Variants in STK33 observed in about 807,000 individuals in gnomAD.
STK33 encodes the protein serine/threonine kinase 33.
In STK33, 52 loss-of-function variants were observed where a neutral mutation model predicts 58.0. That is an observed-to-expected ratio of 0.90 (90% confidence interval 0.72 to 1.13). STK33 has a LOEUF of 1.13. Ranked by LOEUF, STK33 falls within the 50% of genes most tolerant of loss-of-function variation. STK33 has a pLI of 0.00. For missense variants in STK33, 630 were observed against 604.2 expected, an observed-to-expected ratio of 1.04 and a Z score of -0.45; for synonymous variants, 215 against 200.1, an observed-to-expected ratio of 1.07 and a Z score of -0.63.
chr11:8,442,786 T>A (rs1019286839), intron 11 of STK33, among the ~76,000 whole-genome samples: 3 of 152,154 alleles, frequency 2.0e-5, no homozygotes, highest in African/African-American at 7.2e-5. Flanking sequence ...TCTTCAGCAA[T>A]AAAAATGAAT....
intron 1 of STK33, among the ~76,000 whole-genome samples, chr11:8,519,056 T>C (rs1324512799): frequency 1.3e-5 from 2 of 152,098 alleles, no homozygotes; most frequent in Non-Finnish European, 1.5e-5. Flanking sequence ...CAGCACCACA[T>C]CACAATTATT....
At chr11:8,520,438 C>T (rs927620994) in intron 1 of STK33, among the ~76,000 whole-genome samples, 3 of 152,124 alleles carry the variant, frequency 2.0e-5, no homozygotes, top group Non-Finnish European at 4.4e-5. Context: ...TGGCACAAGA[C>T]AGGGATGCCC....
At chr11:8,411,988 T>C (rs1419437995) in intron 15 of STK33, among the ~76,000 whole-genome samples, 6 of 152,080 alleles carry the variant, frequency 3.9e-5, no homozygotes, top group Admixed American at 1.3e-4. Flanking sequence ...AGGGGAAAAG[T>C]GTGACACGGC....
intron 1 of STK33, among the ~76,000 whole-genome samples, chr11:8,514,210 A>G (rs894816401): frequency 1.3e-5 from 2 of 152,166 alleles, no homozygotes; most frequent in Admixed American, 6.6e-5. Flanking sequence ...TTCTTTATCC[A>G]TTCATGTGTT....
At chr11:8,480,944 C>T (rs1949744668) in intron 1 of STK33, among the ~76,000 whole-genome samples, 1 of 152,120 alleles carries the variant, frequency 6.6e-6, no homozygotes, top group Admixed American at 6.5e-5. Flanking sequence ...GACTATCAAG[C>T]ACCAATTAAA....
chr11:8,429,701 C>A (rs899188606), intron 14 of STK33, among the ~76,000 whole-genome samples: 5 of 152,068 alleles, frequency 3.3e-5, no homozygotes, highest in African/African-American at 1.2e-4. Context: ...AACAATGCAT[C>A]CACCAACTCA....
intron 15 of STK33, among the ~76,000 whole-genome samples, chr11:8,404,696 C>T (rs922880193): frequency 2.0e-5 from 3 of 151,980 alleles, no homozygotes; most frequent in Non-Finnish European, 2.9e-5. Context: ...ATGGATGTAC[C>T]ACAATTTGTT....
At chr11:8,392,950 C>T (rs1458854043) in intron 15 of STK33, among the ~76,000 whole-genome samples, 1 of 152,192 alleles carries the variant, frequency 6.6e-6, no homozygotes, top group African/African-American at 2.4e-5. Context: ...ATTTCGAAAC[C>T]TCTGTCGTCC....
chr11:8,553,176 A>ATATATATATATATATATATATATATGGTG (rs1956439371), intron 1 of STK33, among the ~76,000 whole-genome samples: 3 of 74,664 alleles, frequency 4.0e-5, no homozygotes, highest in Non-Finnish European at 7.1e-5. Context: ...AAATATATAT[A>ATATATATATATATATATATATATATGGTG]TATATATATA....
intron 14 of STK33, among the ~76,000 whole-genome samples, chr11:8,433,200 T>C (rs1943620551): frequency 6.6e-6 from 1 of 152,196 alleles, no homozygotes; most frequent in South Asian, 2.1e-4. Flanking sequence ...AACACATTCA[T>C]GGAAGAGGGC....
chr11:8,543,693 A>G (rs1011228922), intron 1 of STK33, among the ~76,000 whole-genome samples: 3 of 152,222 alleles, frequency 2.0e-5, no homozygotes, highest in African/African-American at 7.2e-5. Flanking sequence ...ATAGCACAAC[A>G]GGGTGACTAT....
intron 1 of STK33, among the ~76,000 whole-genome samples, chr11:8,572,084 A>AACTATCC (rs1270220136): frequency 6.6e-6 from 1 of 151,036 alleles, no homozygotes. Context: ...ATTTTAAAAA[A>AACTATCC]ACTATCCAAG....
rs570034664 is a variant in STK33, at chr11:8,490,115, G to A, written c.-465-9501C>T. On this transcript the variant is annotated intron_variant, in intron 1 of 15. Transcript: ENST00000687296. Reference sequence around the variant, plus strand: ...AGGGCGAGCCGAAGCAGGGCGAGGCGTTGCCTCACCCAGGAAGTGCAGGGG... The same window carrying A: ...AGGGCGAGCCGAAGCAGGGCGAGGCATTGCCTCACCCAGGAAGTGCAGGGG... Among the ~76,000 whole-genome samples, 26 of 152,330 alleles carry A rather than the reference G, an allele frequency of 1.7e-4. 1 individual carries two copies. The South Asian group carries it at 3.5e-3, about 21-fold the overall frequency.
At position 8,449,642 on chromosome 11, in the gene STK33, G is replaced by T. The variant is rs113279308; in HGVS notation, c.871+3180C>A. 9.7e-4 allele frequency among the ~76,000 whole-genome samples: 138 copies of T among 142,256 alleles called. 9 individuals are homozygous for T. The highest frequency in any genetic ancestry group is 3.4e-3 in the African/African-American group (130 of 38,430). The allele number at this position is 142,256 out of a possible 152,430, so 93.3% of individuals were successfully genotyped here. On this transcript the variant is annotated intron_variant, in intron 11 of 15. Coordinates refer to ENST00000687296, the MANE Select transcript of STK33 (RefSeq NM_001352389.2). Reference sequence around the variant, plus strand: ...CACTGGGGCCTGTTGTGGGGTGGGTGGGGGGAGGGATAGCATTAGGAGATA... The same window carrying T: ...CACTGGGGCCTGTTGTGGGGTGGGTTGGGGGAGGGATAGCATTAGGAGATA...
At chr11:8,475,152 T>G in intron 4 of STK33, 86 bp from the exon 5 acceptor site, 1 of 397,814 alleles carries the variant, frequency 2.5e-6, no homozygotes, top group Non-Finnish European at 4.4e-6. Context: ...CAACTAGCAC[T>G]AGAAGCATCC....
At chr11:8,352,065 G>C in the STK33 span, among the ~76,000 whole-genome samples, 2 of 152,222 alleles carry the variant, frequency 1.3e-5, no homozygotes, top group Non-Finnish European at 2.9e-5. Flanking sequence ...ATAAGCACGA[G>C]CTGCCTCTAC....
downstream of STK33, among the ~76,000 whole-genome samples, chr11:8,390,640 T>A (rs1848607743): frequency 6.6e-6 from 1 of 152,060 alleles, no homozygotes; most frequent in Admixed American, 6.5e-5. Context: ...CTCCTACAAA[T>A]CAAATGAACA....
chr11:8,524,247 C>A (rs984202486), intron 1 of STK33, among the ~76,000 whole-genome samples: 6 of 152,126 alleles, frequency 3.9e-5, no homozygotes, highest in African/African-American at 1.4e-4. Flanking sequence ...TGCTGACCTT[C>A]CCTCCACTAT....
At chr11:8,345,552 G>A in the STK33 span, among the ~76,000 whole-genome samples, 3 of 152,240 alleles carry the variant, frequency 2.0e-5, no homozygotes, top group Admixed American at 6.5e-5. Context: ...CATAGCATGC[G>A]GTTTGGGTGT....
Sources: gnomAD v4.1 joint callset for allele counts (sites outside exome capture counted in the v4.1 genomes callset) on GRCh38, gnomAD v4.1.1 for gene constraint, MANE v1.5 for transcripts, NCBI Gene and HGNC (gene_info 2026-07-23, HGNC 2026-07-21) for gene names.